The following CADPS variants were observed in gnomAD, a reference collection of about 807,000 sequenced individuals.
CADPS encodes the protein calcium-dependent secretion activator 1.
In CADPS, 57 loss-of-function variants were observed where a neutral mutation model predicts 167.3. The ratio of observed to expected loss-of-function variants is 0.34; its 90% CI spans 0.28 to 0.42. CADPS has a LOEUF of 0.42. Ranked by LOEUF, CADPS falls within the 20% of genes least tolerant of loss-of-function variation. The pLI, the probability that CADPS is intolerant of heterozygous loss-of-function variation, is 1.00. For missense variants in CADPS, 1,414 were observed against 1,738.1 expected (o/e 0.81, Z 3.32); for synonymous variants, 676 against 635.3 (o/e 1.06, Z -0.96).
intron 1 of CADPS, among the ~76,000 whole-genome samples, chr3:62,828,652 A>G (rs1311084753): frequency 6.6e-6 from 1 of 152,206 alleles, no homozygotes; most frequent in Non-Finnish European, 1.5e-5. Context: ...ATTTGATGTT[A>G]TCAAAAGCAT....
chr3:62,862,217 GTTTT>G (rs34987223), intron 1 of CADPS, among the ~76,000 whole-genome samples: 1 of 131,834 alleles, frequency 7.6e-6, no homozygotes, highest in Non-Finnish European at 1.6e-5. Context: ...GAAAACAGTG[GTTTT>G]TTTTTTTTTT....
At chr3:62,864,415 A>T (rs1370447735) in intron 1 of CADPS, among the ~76,000 whole-genome samples, 1 of 152,196 alleles carries the variant, frequency 6.6e-6, no homozygotes, top group Non-Finnish European at 1.5e-5. Context: ...AAGAATCACC[A>T]ACTGGGTAGC....
At chr3:62,840,575 G>A (rs896650606) in intron 1 of CADPS, among the ~76,000 whole-genome samples, 51 of 152,050 alleles carry the variant, frequency 3.4e-4, no homozygotes, top group African/African-American at 1.2e-3. Flanking sequence ...TTTTATATAT[G>A]TATATATAAA....
In CADPS at chr3:62,412,001, G is replaced by A. The variant is rs1027490032; in HGVS notation, c.3778-8816C>T. ...TATTTCCCAGTCACAGCTTCAGGACGCGCAGCTAACAGCACAAAGCTATAA... is the reference window on the plus strand; with the variant it reads ...TATTTCCCAGTCACAGCTTCAGGACACGCAGCTAACAGCACAAAGCTATAA... On this transcript the variant is annotated intron_variant, in intron 28 of 29. Transcript: ENST00000383710. The surrounding 1 kb of genome is among the most constrained non-coding windows in gnomAD (Gnocchi z 4.1). Among the ~76,000 whole-genome samples, 5 of 152,138 alleles carry A rather than the reference G, an allele frequency of 3.3e-5. No homozygotes were observed. Among genetic ancestry groups the A allele is most frequent in the South Asian group, 2.1e-4 (1 of 4,830 alleles).
intron 1 of CADPS, among the ~76,000 whole-genome samples, chr3:62,850,732 G>GA (rs1267346559): frequency 1.2e-4 from 18 of 151,620 alleles, no homozygotes; most frequent in Non-Finnish European, 1.6e-4. Flanking sequence ...GTGTGGTGCT[G>GA]AAAAAAATGT....
intron 1 of CADPS, among the ~76,000 whole-genome samples, chr3:62,868,601 T>C (rs1487994371): frequency 6.6e-6 from 1 of 152,102 alleles, no homozygotes; most frequent in Non-Finnish European, 1.5e-5. Flanking sequence ...CGTAGATCAG[T>C]TTCAGCCCAC....
chr3:62,820,183 G>A (rs1000129511), intron 1 of CADPS, among the ~76,000 whole-genome samples: 1 of 152,178 alleles, frequency 6.6e-6, no homozygotes, highest in Non-Finnish European at 1.5e-5. Flanking sequence ...ATCCTGTGTT[G>A]GGTTAGGGGA....
intron 28 of CADPS, among the ~76,000 whole-genome samples, chr3:62,436,960 C>T (rs759751513): frequency 4.0e-5 from 6 of 151,648 alleles, no homozygotes; most frequent in Non-Finnish European, 7.4e-5. Flanking sequence ...AATCAGAAAG[C>T]GGTGCCAACA....
rs193248546 is a variant in CADPS, at chr3:62,483,481, A to C, written c.3027-1612T>G. ...AAACAGATTATTCTTTCACAATGGC[A>C]ATATAGCCCCAGCTCATAGACTGAA... On this transcript the variant is annotated intron_variant, in intron 21 of 29. Transcript: ENST00000383710. Among the ~76,000 whole-genome samples the C allele has an allele frequency of 2.6e-3, 390 of 152,252 alleles. 1 individual carries two copies. The highest frequency in any genetic ancestry group is 0.014 in the Middle Eastern group (4 of 294).
At chr3:62,493,242 GCCAGAT>G (rs1218376119) in intron 19 of CADPS, among the ~76,000 whole-genome samples, 1 of 152,104 alleles carries the variant, frequency 6.6e-6, no homozygotes, top group Non-Finnish European at 1.5e-5. Flanking sequence ...ATCAGACTGG[GCCAGAT>G]GTGAATTCAA....
intron 1 of CADPS, among the ~76,000 whole-genome samples, chr3:62,782,742 T>G (rs11915289): frequency 6.6e-6 from 1 of 151,402 alleles, no homozygotes; most frequent in African/African-American, 2.4e-5. Flanking sequence ...GAGTTTTGCA[T>G]ATAGTGTAGC....
intron 2 of CADPS, among the ~76,000 whole-genome samples, chr3:62,764,658 A>C (rs948357811): frequency 6.6e-6 from 1 of 152,238 alleles, no homozygotes; most frequent in East Asian, 1.9e-4. Context: ...GAGTTTTGCC[A>C]TATCAGGATT....
intron 6 of CADPS, among the ~76,000 whole-genome samples, chr3:62,623,128 T>C (rs1179824332): frequency 2.0e-5 from 3 of 152,210 alleles, no homozygotes; most frequent in Non-Finnish European, 4.4e-5. Flanking sequence ...GGAAGGTAAG[T>C]GTATCTCAAG....
chr3:62,733,313 T>A (rs1228192573), intron 3 of CADPS, among the ~76,000 whole-genome samples: 1 of 152,200 alleles, frequency 6.6e-6, no homozygotes, highest in Non-Finnish European at 1.5e-5. Context: ...AAGGCAAAGA[T>A]GCCAGAAGAG....
chr3:62,802,584 G>A (rs548614954), intron 1 of CADPS, among the ~76,000 whole-genome samples: 27 of 152,228 alleles, frequency 1.8e-4, no homozygotes, highest in African/African-American at 6.5e-4. Context: ...GATGGATTTC[G>A]ATGAGGGTCG....
chr3:62,726,643 C>A (rs941999867), intron 3 of CADPS, among the ~76,000 whole-genome samples: 2 of 151,858 alleles, frequency 1.3e-5, no homozygotes, highest in Non-Finnish European at 2.9e-5. Flanking sequence ...AGGGGATATG[C>A]GATAGCTTTG....
intron 3 of CADPS, among the ~76,000 whole-genome samples, chr3:62,704,485 T>C (rs2081986240): frequency 6.6e-6 from 1 of 152,174 alleles, no homozygotes; most frequent in African/African-American, 2.4e-5. Context: ...GGGCTCTATT[T>C]ACTTCAACTA....
intron 1 of CADPS, among the ~76,000 whole-genome samples, chr3:62,856,138 C>A (rs1193027723): frequency 1.3e-5 from 2 of 152,072 alleles, no homozygotes; most frequent in African/African-American, 4.8e-5. Flanking sequence ...CTGATAGGGA[C>A]AGAAGTGCTC....
chr3:62,642,022 A>G (rs1020781094), intron 6 of CADPS, among the ~76,000 whole-genome samples: 3 of 152,002 alleles, frequency 2.0e-5, no homozygotes, highest in Non-Finnish European at 2.9e-5. Context: ...AGGATGTGTA[A>G]TGTCAATTCA....
Sources: allele counts gnomAD v4.1 joint callset (sites outside exome capture counted in the v4.1 genomes callset), GRCh38; gene constraint gnomAD v4.1.1; non-coding constraint Gnocchi (gnomAD v3.1); transcripts MANE v1.5; gene names NCBI Gene and HGNC (gene_info 2026-07-23, HGNC 2026-07-21).